ABLIM1: variants seen among roughly 807,000 people sequenced by gnomAD.
The protein encoded by ABLIM1 is actin-binding LIM protein 1.
ABLIM1 carries 40 observed loss-of-function variants against 107.0 expected under a neutral mutation model. The ratio of observed to expected loss-of-function variants is 0.37; its 90% CI spans 0.29 to 0.49. The LOEUF (loss-of-function observed/expected upper bound fraction) is 0.49. Ranked by LOEUF, ABLIM1 falls within the 20% of genes least tolerant of loss-of-function variation. The pLI is 0.97. For synonymous variants in ABLIM1, 357 were observed against 357.3 expected, an observed-to-expected ratio of 1.00 and a Z score of 0.01; for missense variants, 857 against 1,008.5, an observed-to-expected ratio of 0.85 and a Z score of 2.04.
rs1022040691 is a variant in ABLIM1 at position 114,434,870 on chromosome 10, T to C, written c.*1390A>G. On this transcript the variant is annotated 3_prime_UTR_variant, in exon 23 of 23. Coordinates refer to ENST00000533213, the MANE Select transcript of ABLIM1 (RefSeq NM_002313.7). ...CACATCCCACCTCATCCTTCCTCTG[T>C]GGTTCCCAGTCTGATCCTTCCATGA... 3 of 152,226 alleles carry C rather than the reference T, an allele frequency of 2.0e-5. No individual in the cohort carries two copies. Among genetic ancestry groups the C allele is most frequent in the African/African-American group, 7.2e-5 (3 of 41,454 alleles). 9.4% of individuals were successfully genotyped at this position (152,226 alleles called of 1,614,324 possible).
chr10:114,589,488 C>G (rs1363058725), intron 2 of ABLIM1, among the ~76,000 whole-genome samples: 1 of 150,934 alleles, frequency 6.6e-6, no homozygotes, highest in Non-Finnish European at 1.5e-5. Context: ...AAGATCACAC[C>G]ACTGCACTCC....
chr10:114,682,059 T>C (rs2080773083), intron 1 of ABLIM1, among the ~76,000 whole-genome samples: 2 of 152,238 alleles, frequency 1.3e-5, no homozygotes. Context: ...GTGATAAGTC[T>C]TGTAAAATCC....
At position 114,465,705 on chromosome 10, in the gene ABLIM1, G is replaced by C. The variant is rs1261620572; in HGVS notation, c.1434C>G (p.His478Gln). The change falls in exon 12 of 23, where the codon CAC becomes CAG. Residue 478 changes from histidine (H) to glutamine (Q), a missense_variant. Around this residue, in one of 5 missense-constraint regions of ABLIM1, gnomAD observed 381 missense variants for 506.9 expected, o/e 0.75. Coordinates refer to ENST00000533213, the MANE Select transcript of ABLIM1 (RefSeq NM_002313.7). ...AGGAACAGTCACCCTTACCAGGTCTGTGGAAATGCTGGGGAGAGCGGGACG... is the reference window on the plus strand; with the variant it reads ...AGGAACAGTCACCCTTACCAGGTCTCTGGAAATGCTGGGGAGAGCGGGACG... ...PTTSRSPQHF[H>Q]RPGNEPSSGR... 6.2e-7 allele frequency: 1 copy of C among 1,614,106 alleles called. No individual in the cohort carries two copies. The highest frequency in any genetic ancestry group is 1.7e-5 in the Admixed American group (1 of 60,028).
In ABLIM1 at chr10:114,721,951, T is replaced by C. The variant is rs1380079160; in HGVS notation, c.-213+46110A>G. 2.3e-4 allele frequency among the ~76,000 whole-genome samples: 35 copies of C among 152,176 alleles called. 1 individual carries two copies. The highest frequency in any genetic ancestry group is 2.3e-3 in the Admixed American group (35 of 15,278). On this transcript the variant is annotated intron_variant, in intron 1 of 15. Transcript: ENST00000651092. ...ACACCAGGAAAACAAATTTTCTTCC[T>C]CACCTTGTCCCTTAAAATGTGTGCA...
At chr10:114,468,466 G>A (rs1026290858) in intron 10 of ABLIM1, among the ~76,000 whole-genome samples, 1 of 152,024 alleles carries the variant, frequency 6.6e-6, no homozygotes, top group South Asian at 2.1e-4. Flanking sequence ...AGTAGAGATG[G>A]GGTTTCACTG....
At chr10:114,468,979 A>C (rs1038586377) in intron 10 of ABLIM1, among the ~76,000 whole-genome samples, 2 of 149,234 alleles carry the variant, frequency 1.3e-5, no homozygotes, top group East Asian at 4.1e-4. Flanking sequence ...GTGAACCCGG[A>C]AGGCGAAGCT....
At chr10:114,610,772 C>T (rs2076752674) in intron 1 of ABLIM1, 2 of 152,194 alleles carry the variant, frequency 1.3e-5, no homozygotes, top group Admixed American at 1.3e-4. Context: ...GTTCGGTAAA[C>T]AGAATTATTA....
At chr10:114,659,372 C>A (rs1401076284), upstream of ABLIM1, among the ~76,000 whole-genome samples, 3 of 151,396 alleles carry the variant, frequency 2.0e-5, no homozygotes, top group African/African-American at 7.3e-5. Flanking sequence ...AAAACATTGG[C>A]CAAGTGTGGT....
At chr10:114,686,238 G>A (rs2080931729), upstream of ABLIM1, among the ~76,000 whole-genome samples, 1 of 152,082 alleles carries the variant, frequency 6.6e-6, no homozygotes, top group East Asian at 1.9e-4. Flanking sequence ...GCCAGGTGTG[G>A]TGACTCATGC....
At chr10:114,760,512 G>A (rs1396935232) in intron 1 of ABLIM1, among the ~76,000 whole-genome samples, 1 of 150,578 alleles carries the variant, frequency 6.6e-6, no homozygotes, top group African/African-American at 2.4e-5. Flanking sequence ...ACAAATTCAA[G>A]GACACATATA....
At chr10:114,583,625 A>G (rs2073867738) in intron 2 of ABLIM1, among the ~76,000 whole-genome samples, 1 of 151,236 alleles carries the variant, frequency 6.6e-6, no homozygotes, top group Admixed American at 6.6e-5. Context: ...CTGGGGATAT[A>G]GCCTAAGAAA....
chr10:114,737,551 C>T (rs1591915944), intron 1 of ABLIM1, among the ~76,000 whole-genome samples: 1 of 152,144 alleles, frequency 6.6e-6, no homozygotes, highest in African/African-American at 2.4e-5. Context: ...TGCTCATGTC[C>T]TGCCAAGTTC....
intron 1 of ABLIM1, among the ~76,000 whole-genome samples, chr10:114,650,218 C>T (rs1480093796): frequency 6.6e-6 from 1 of 152,172 alleles, no homozygotes; most frequent in Non-Finnish European, 1.5e-5. Flanking sequence ...CGTCACAGGT[C>T]CATGGCTGAT....
In ABLIM1 at chr10:114,658,151, T is replaced by C; in HGVS notation, c.50A>G (p.Glu17Gly). The C allele has an allele frequency of 3.7e-6, 6 of 1,614,042 alleles. No individual in the cohort carries two copies. Among genetic ancestry groups the C allele is most frequent in the Non-Finnish European group, 5.1e-6 (6 of 1,179,898 alleles). Residue 17 changes from glutamate (E) to glycine (G), a missense_variant, in exon 1 of 23, where the codon GAG becomes GGG. By Grantham distance (98) the Glu-to-Gly change is moderately conservative. This residue lies in a region of ABLIM1 where 176 missense variants were observed against 173.5 expected (regional missense o/e 1.01). Coordinates refer to ENST00000533213, the MANE Select transcript of ABLIM1 (RefSeq NM_002313.7). ...LKCLGKLCSSEKSKVTSSERT... is the reference protein window; with the variant it reads ...LKCLGKLCSSGKSKVTSSERT... The stretch of plus-strand genomic sequence containing the variant: ...CTCAGATGAGGTGACTTTGCTTTTC[T>C]CAGAGCTGCACAATTTCCCCAGACA...
At chr10:114,684,238 C>A in intron 1 of ABLIM1, 10 of 1,555,904 alleles carry the variant, frequency 6.4e-6, no homozygotes, top group South Asian at 2.4e-5. Context: ...TTTAAAGACA[C>A]GGTCGACCCC....
intron 1 of ABLIM1, chr10:114,615,467 C>G (rs2077073873): frequency 2.3e-6 from 1 of 426,256 alleles, no homozygotes; most frequent in Non-Finnish European, 4.9e-6. Context: ...CCCTCCGACC[C>G]CCATCTCAGT....
At chr10:114,672,223 TG>T (rs2080286641) in intron 1 of ABLIM1, among the ~76,000 whole-genome samples, 1 of 151,252 alleles carries the variant, frequency 6.6e-6, no homozygotes, top group Admixed American at 6.6e-5. Flanking sequence ...TTTTTTTAGA[TG>T]GAGTCTCACT....
intron 12 of ABLIM1, among the ~76,000 whole-genome samples, chr10:114,461,689 C>T (rs2063950149): frequency 6.6e-6 from 1 of 151,914 alleles, no homozygotes; most frequent in Admixed American, 6.6e-5. Flanking sequence ...TGTGGTGGTG[C>T]ACACCTGTAA....
intron 1 of ABLIM1, among the ~76,000 whole-genome samples, chr10:114,698,753 T>C (rs934327363): frequency 6.6e-6 from 1 of 152,096 alleles, no homozygotes; most frequent in African/African-American, 2.4e-5. Context: ...AAGAAAACAA[T>C]TCAGCATGTG....
Sources: gnomAD v4.1 joint callset for allele counts (sites outside exome capture counted in the v4.1 genomes callset) on GRCh38, gnomAD v4.1.1 for gene constraint, gnomAD v4.1.1 regional missense constraint, MANE v1.5 for transcripts, NCBI Gene and HGNC (gene_info 2026-07-23, HGNC 2026-07-21) for gene names.